CNST: variants seen among roughly 807,000 people sequenced by gnomAD.
CNST encodes the protein consortin.
CNST carries 39 observed loss-of-function variants against 72.4 expected under a neutral mutation model. That is an observed-to-expected ratio of 0.54 (90% CI 0.42 to 0.70). The LOEUF (loss-of-function observed/expected upper bound fraction) is 0.70, where lower values mean the gene tolerates loss of function less well. Ranked by LOEUF, CNST falls within the 30% of genes least tolerant of loss-of-function variation. The pLI is 0.00. For synonymous variants in CNST, 332 were observed against 320.1 expected (o/e 1.04, Z -0.40); for missense variants, 871 against 868.5 (o/e 1.00, Z -0.04).
intron 8 of CNST, 34 bp from the exon 9 acceptor site, chr1:246,647,105 G>T: frequency 1.9e-6 from 3 of 1,571,948 alleles, no homozygotes; most frequent in Non-Finnish European, 2.6e-6. Context: ...GTGTTGTTTT[G>T]AATTTTTAAC....
intron 1 of CNST, among the ~76,000 whole-genome samples, chr1:246,572,283 A>G (rs1035452709): frequency 6.6e-6 from 1 of 152,210 alleles, no homozygotes; most frequent in Non-Finnish European, 1.5e-5. Context: ...TATATTATAG[A>G]TTTTGAAATA....
intron 9 of CNST, among the ~76,000 whole-genome samples, chr1:246,659,417 AC>A (rs1666955595): frequency 6.6e-6 from 1 of 152,070 alleles, no homozygotes; most frequent in Non-Finnish European, 1.5e-5. Context: ...ACTCGGTGAA[AC>A]CCCGTCTCTA....
rs753311239 is a variant in CNST at position 246,647,930 on chromosome 1, C to T, written c.1729C>T (p.Gln577Ter). ...DNQDDDSDLLQDLSPEEASYS... is the reference protein window; with the variant it reads ...DNQDDDSDLL Reference sequence around the variant, plus strand: ...CCAAGACGACGACTCCGATCTCCTTCAAGATCTCTCTCCTGAAGAAGCATC... The same window carrying T: ...CCAAGACGACGACTCCGATCTCCTTTAAGATCTCTCTCCTGAAGAAGCATC... Residue 577 changes from glutamine (Q) to a stop codon, truncating the protein, a stop_gained, in exon 9 of 11, where the codon CAA becomes TAA. Coordinates refer to ENST00000366513, the MANE Select transcript of CNST (RefSeq NM_152609.3). LOFTEE classifies it high-confidence loss of function. The T allele has an allele frequency of 1.2e-6, 2 of 1,613,652 alleles. No homozygotes were observed.
rs1286633847 is a variant in CNST at position 246,650,678 on chromosome 1, T to TC, written c.1836+2641_1836+2642insC. Among the ~76,000 whole-genome samples, 538 of 146,578 alleles carry TC rather than the reference T, an allele frequency of 3.7e-3. 5 individuals carry two copies. Among genetic ancestry groups the TC allele is most frequent in the African/African-American group, 0.013 (516 of 40,108 alleles). ...AACATATAAAATTTTAATTCAAACT[T>TC]TTTTTTTTTTTTTTTTTGATACAGA... is the stretch of plus-strand genomic sequence containing the variant. On this transcript the variant is annotated intron_variant, in intron 9 of 10. Transcript: ENST00000366513.
chr1:246,659,411 G>A (rs376844075), intron 9 of CNST, among the ~76,000 whole-genome samples: 4,516 of 152,174 alleles, frequency 0.03, 213 homozygotes, highest in East Asian at 0.18. Context: ...TGGCTAACTC[G>A]GTGAAACCCC....
rs115249844 is a variant in CNST, at chr1:246,601,163, G to C, written c.379+9222G>C. Among the ~76,000 whole-genome samples, 393 of 152,092 alleles carry C rather than the reference G, an allele frequency of 2.6e-3. 1 individual carries two copies. The highest frequency in any genetic ancestry group is 8.8e-3 in the African/African-American group (364 of 41,498). ...TTTTCAAAAAATAAAAAAAATAGCA[G>C]GCGTGGTGGCATACATCTGTAGTCC... On this transcript the variant is annotated intron_variant, in intron 2 of 10. Coordinates refer to ENST00000366513, the MANE Select transcript of CNST (RefSeq NM_152609.3).
chr1:246,590,599 G>A (rs1174905199), intron 1 of CNST, among the ~76,000 whole-genome samples: 2 of 151,958 alleles, frequency 1.3e-5, no homozygotes, highest in African/African-American at 4.8e-5. Context: ...TAAAGATTAA[G>A]CATTTCTACT....
intron 10 of CNST, among the ~76,000 whole-genome samples, chr1:246,660,676 G>T (rs77069129): frequency 0.071 from 10,811 of 152,190 alleles, 959 homozygotes; most frequent in African/African-American, 0.21. Flanking sequence ...TGAGCCAAGA[G>T]CGTGCCACTG....
At chr1:246,642,133 G>GTTT (rs74163469) in intron 8 of CNST, 96 bp downstream of exon 8, 276 of 187,236 alleles carry the variant, frequency 1.5e-3, no homozygotes, top group South Asian at 2.7e-3. Context: ...AAAGGATCTG[G>GTTT]TTTTTTTTTT....
At chr1:246,578,996 G>A (rs1660621621) in intron 1 of CNST, among the ~76,000 whole-genome samples, 1 of 152,218 alleles carries the variant, frequency 6.6e-6, no homozygotes. Flanking sequence ...GTTACTATAT[G>A]CATGGCAAAG....
intron 9 of CNST, among the ~76,000 whole-genome samples, chr1:246,659,761 C>G (rs1356764019): frequency 6.6e-6 from 1 of 152,126 alleles, no homozygotes; most frequent in Non-Finnish European, 1.5e-5. Context: ...TTTTAAGCTT[C>G]ATATGTTCAT....
chr1:246,623,423 C>A (rs1376985219), intron 3 of CNST, among the ~76,000 whole-genome samples: 4 of 152,012 alleles, frequency 2.6e-5, no homozygotes, highest in African/African-American at 9.7e-5. Flanking sequence ...GGATCAGAGA[C>A]AAGAGTATTC....
chr1:246,593,098 T>C (rs1312454163), intron 2 of CNST, among the ~76,000 whole-genome samples: 1 of 152,212 alleles, frequency 6.6e-6, no homozygotes, highest in African/African-American at 2.4e-5. Context: ...AATATATCTG[T>C]CTATATCGTA....
chr1:246,591,746 C>T lies in CNST; in HGVS notation c.184C>T (p.Gln62Ter). The change falls in exon 2 of 11, where the codon CAA becomes TAA. Residue 62 changes from glutamine to a stop codon, truncating the protein, a stop_gained. Coordinates refer to ENST00000366513, the MANE Select transcript of CNST (RefSeq NM_152609.3). LOFTEE classifies it high-confidence loss of function. Reference sequence around the variant, plus strand: ...CAGTGACAGTGCGATGGGAAAGCCCCAAGTGTCTGAGCAGGACAGTCTCAA... The same window carrying T: ...CAGTGACAGTGCGATGGGAAAGCCCTAAGTGTCTGAGCAGGACAGTCTCAA... ...TSSDSAMGKP[Q>*]VSEQDSLNNN... is the part of the protein sequence containing the mutation. 6.2e-7 allele frequency: 1 copy of T among 1,614,112 alleles called. No homozygotes were observed. The highest frequency in any genetic ancestry group is 8.5e-7 in the Non-Finnish European group (1 of 1,180,038).
intron 10 of CNST, among the ~76,000 whole-genome samples, chr1:246,661,414 G>A (rs1322162557): frequency 6.6e-6 from 1 of 152,156 alleles, no homozygotes; most frequent in African/African-American, 2.4e-5. Flanking sequence ...CACCATGCCC[G>A]GCTTGTCTTC....
At position 246,664,628 on chromosome 1, in the gene CNST, G is replaced by T. The variant is rs192616004; in HGVS notation, c.1973-1072G>T. Among the ~76,000 whole-genome samples, 654 of 151,846 alleles carry T rather than the reference G, an allele frequency of 4.3e-3. 8 individuals carry two copies. Among genetic ancestry groups the T allele is most frequent in the African/African-American group, 0.015 (626 of 41,452 alleles). On this transcript the variant is annotated intron_variant, in intron 10 of 10. Transcript: ENST00000366513. ...TTTTTAGTAGAGACGGGGTTTCACC[G>T]TGTCAGCCAGGATGGTCTCGATCTC...
At chr1:246,605,749 C>CGTGTCTTCCGGCCGGGGTCG (rs2103047422) in intron 2 of CNST, 1 of 38,668 alleles carries the variant, frequency 2.6e-5, no homozygotes, top group African/African-American at 8.2e-5. Context: ...GGCCGGGGTG[C>CGTGTCTTCCGGCCGGGGTCG]GTGTCTTCCG....
At chr1:246,658,875 T>C (rs1319735546) in intron 9 of CNST, among the ~76,000 whole-genome samples, 1 of 152,236 alleles carries the variant, frequency 6.6e-6, no homozygotes, top group Non-Finnish European at 1.5e-5. Context: ...TCAGGGGCCT[T>C]CGGCAAGGCC....
intron 8 of CNST, among the ~76,000 whole-genome samples, chr1:246,646,136 T>C (rs1666049294): frequency 2.0e-5 from 3 of 151,554 alleles, no homozygotes; most frequent in Admixed American, 6.6e-5. Flanking sequence ...AAAAATTAGC[T>C]GGGCAAGGTG....
Sources: gnomAD v4.1 joint callset for allele counts (sites outside exome capture counted in the v4.1 genomes callset) on GRCh38, gnomAD v4.1.1 for gene constraint, MANE v1.5 for transcripts, NCBI Gene and HGNC (gene_info 2026-07-23, HGNC 2026-07-21) for gene names.